DPP6: variants seen among roughly 807,000 people sequenced by gnomAD.
The protein encoded by DPP6 is dipeptidyl peptidase like 6.
Under a neutral mutation model 122.6 loss-of-function variants are expected in DPP6, and 69 were observed. The ratio of observed to expected loss-of-function variants is 0.56; its 90% CI spans 0.46 to 0.69. The LOEUF is 0.69. DPP6 is among the 30% of genes least tolerant of loss of function. The pLI, the probability that DPP6 is intolerant of heterozygous loss-of-function variation, is 0.00. For missense variants in DPP6, 928 were observed against 1,116.9 expected (o/e 0.83, Z 2.41); for synonymous variants, 418 against 433.1 (o/e 0.97, Z 0.43).
intron 5 of DPP6, among the ~76,000 whole-genome samples, chr7:154,593,596 T>C (rs1022933452): frequency 1.3e-5 from 2 of 152,212 alleles, no homozygotes; most frequent in Admixed American, 6.5e-5. Context: ...CCAATGTGTA[T>C]CTACATAGGA....
intron 1 of DPP6, among the ~76,000 whole-genome samples, chr7:153,940,234 G>A (rs1219902935): frequency 6.6e-6 from 1 of 152,156 alleles, no homozygotes; most frequent in Admixed American, 6.5e-5. Context: ...AGCCATGACA[G>A]CACTTCCTTC....
intron 7 of DPP6, among the ~76,000 whole-genome samples, chr7:154,719,097 A>G (rs1460695104): frequency 1.3e-5 from 2 of 152,034 alleles, no homozygotes; most frequent in African/African-American, 4.8e-5. Context: ...TTGGTTGTGA[A>G]TCAGAGAGTG....
chr7:153,806,196 C>T, the DPP6 span, among the ~76,000 whole-genome samples: 1 of 151,550 alleles, frequency 6.6e-6, no homozygotes, highest in Non-Finnish European at 1.5e-5. Context: ...GTCCATTCAG[C>T]CAGAGTCCTG....
At chr7:154,587,932 G>A (rs1243836562) in intron 5 of DPP6, 2 of 1,612,796 alleles carry the variant, frequency 1.2e-6, no homozygotes, top group African/African-American at 2.7e-5. Context: ...GACTGCCAAT[G>A]GCACCAGGCT....
intron 1 of DPP6, among the ~76,000 whole-genome samples, chr7:154,065,673 G>C (rs191211520): frequency 2.3e-4 from 35 of 152,016 alleles, no homozygotes; most frequent in Admixed American, 2.2e-3. Flanking sequence ...TTAGGACCAG[G>C]CCAATGGTAT....
In DPP6 at chr7:154,190,607, A is replaced by AT. The variant is rs563396184; in HGVS notation, c.243+137551dup. 4.8e-3 allele frequency among the ~76,000 whole-genome samples: 726 copies of AT among 152,104 alleles called. 2 individuals carry two copies. Among genetic ancestry groups the AT allele is most frequent in the African/African-American group, 0.016 (678 of 41,486 alleles). On this transcript the variant is annotated intron_variant, in intron 1 of 25. Coordinates refer to ENST00000377770, the MANE Select transcript of DPP6 (RefSeq NM_130797.4). ...CTGCAGTGTTGGTTTTTCTTTAAAGATTTTTTTCCCTTTCCCCTAGTGAAC... is the reference window on the plus strand; with the variant it reads ...CTGCAGTGTTGGTTTTTCTTTAAAGATTTTTTTTCCCTTTCCCCTAGTGAAC...
chr7:154,848,249 A>G (rs181916607), intron 16 of DPP6, among the ~76,000 whole-genome samples: 39 of 152,158 alleles, frequency 2.6e-4, no homozygotes, highest in African/African-American at 7.2e-4. Flanking sequence ...GAACCACCAT[A>G]TTGTTTTATG....
rs572406291 is a variant in DPP6, at chr7:153,930,108, G to T, written c.51+42374G>T. ...AGTCACGTGCAAATGAGTTAACTGG[G>T]TATTAATGGAATGAAACCACTGCCA... On this transcript the variant is annotated intron_variant, in intron 1 of 25. Transcript: ENST00000404039. Among the ~76,000 whole-genome samples, 4 of 152,278 alleles carry T rather than the reference G, an allele frequency of 2.6e-5. No homozygotes were observed. In the East Asian group the frequency reaches 5.8e-4, roughly 22 times the overall value.
chr7:154,386,903 G>A (rs1158340808), intron 1 of DPP6, among the ~76,000 whole-genome samples: 1 of 151,074 alleles, frequency 6.6e-6, no homozygotes, highest in African/African-American at 2.4e-5. Flanking sequence ...TGTGGATGAC[G>A]GAAATAGTAA....
intron 5 of DPP6, among the ~76,000 whole-genome samples, chr7:154,608,438 C>T (rs1159159825): frequency 6.6e-6 from 1 of 150,718 alleles, no homozygotes; most frequent in Non-Finnish European, 1.5e-5. Context: ...AAGGATTCTC[C>T]TGCCTCAGCC....
chr7:154,544,120 TAC>T (rs1433114982), intron 4 of DPP6, among the ~76,000 whole-genome samples: 2 of 147,404 alleles, frequency 1.4e-5, no homozygotes, highest in Non-Finnish European at 3.0e-5. Flanking sequence ...CAAATATATA[TAC>T]ACACAAATAT....
chr7:154,678,784 A>G (rs1839095200), intron 7 of DPP6, among the ~76,000 whole-genome samples: 1 of 152,236 alleles, frequency 6.6e-6, no homozygotes, highest in East Asian at 1.9e-4. Flanking sequence ...TCGTGGTTGC[A>G]GCACTTACTA....
chr7:154,760,307 T>A lies in DPP6; in HGVS notation c.884-9110T>A, dbSNP rs1338870051. On this transcript the variant is annotated intron_variant, in intron 8 of 25. Transcript: ENST00000377770. This position sits in a 1 kb window ranked among gnomAD's most constrained non-coding sequence, Gnocchi z 4.5. The stretch of plus-strand genomic sequence containing the variant: ...AAAGTCCTTCAGCACACACAATTAT[T>A]TCTTCACGATTACTCATGGGCTGTG... 6.6e-6 allele frequency among the ~76,000 whole-genome samples: 1 copy of A among 152,106 alleles called. No individual in the cohort carries two copies. The highest frequency in any genetic ancestry group is 1.5e-5 in the Non-Finnish European group (1 of 68,022).
intron 8 of DPP6, among the ~76,000 whole-genome samples, chr7:154,765,120 T>C (rs1795818704): frequency 6.6e-6 from 1 of 152,194 alleles, no homozygotes; most frequent in Non-Finnish European, 1.5e-5. Context: ...CATTCGTCTT[T>C]CTGTTTCTGG....
chr7:154,755,627 A>G lies in DPP6; in HGVS notation c.884-13790A>G, dbSNP rs1843626779. On this transcript the variant is annotated intron_variant, in intron 8 of 25. Transcript: ENST00000377770. This position sits in a 1 kb window ranked among gnomAD's most constrained non-coding sequence, Gnocchi z 4.7. ...TGCTCACCGACTGCTGGGTGTGGCC[A>G]TCACCATCACCACCCTTCTAAGAGG... Among the ~76,000 whole-genome samples the G allele has an allele frequency of 6.6e-6, 1 of 152,192 alleles. No individual in the cohort carries two copies. Among genetic ancestry groups the G allele is most frequent in the Non-Finnish European group, 1.5e-5 (1 of 68,032 alleles).
chr7:153,987,325 G>A (rs71530441), intron 1 of DPP6, among the ~76,000 whole-genome samples: 1 of 152,204 alleles, frequency 6.6e-6, no homozygotes, highest in Admixed American at 6.5e-5. Context: ...AATGCAATTT[G>A]CTTACGTTGA....
intron 8 of DPP6, among the ~76,000 whole-genome samples, chr7:154,768,755 T>C (rs1796060316): frequency 6.6e-6 from 1 of 152,302 alleles, no homozygotes; most frequent in South Asian, 2.1e-4. Flanking sequence ...CCCAAAAGAA[T>C]CAGTCTTTCA....
intron 1 of DPP6, among the ~76,000 whole-genome samples, chr7:154,335,798 TCTGGTGTTGC>T (rs1196518833): frequency 3.9e-5 from 6 of 152,106 alleles, no homozygotes; most frequent in Admixed American, 3.3e-4. Flanking sequence ...CTGGACCGTT[TCTGGTGTTGC>T]TGGTGCTGCA....
chr7:154,852,483 C>CCTCTCCTGG (rs1563283296), intron 16 of DPP6, among the ~76,000 whole-genome samples: 2 of 143,628 alleles, frequency 1.4e-5, no homozygotes, highest in Non-Finnish European at 3.0e-5. Flanking sequence ...GGCTCTCCTG[C>CCTCTCCTGG]CTCTCCTGCC....
Sources: allele counts gnomAD v4.1 joint callset (sites outside exome capture counted in the v4.1 genomes callset), GRCh38; gene constraint gnomAD v4.1.1; non-coding constraint Gnocchi (gnomAD v3.1); transcripts MANE v1.5; gene names NCBI Gene and HGNC (gene_info 2026-07-23, HGNC 2026-07-21).